The following DENND1A variants were observed in gnomAD, a reference collection of about 807,000 sequenced individuals.
DENND1A encodes the protein DENN domain-containing protein 1A.
Under a neutral mutation model 113.7 loss-of-function variants are expected in DENND1A, and 51 were observed. The observed-to-expected ratio is 0.45, with a 90% CI of 0.36 to 0.57. The LOEUF (loss-of-function observed/expected upper bound fraction) is 0.57. DENND1A is among the 20% of genes least tolerant of loss of function. The pLI, the probability that DENND1A is intolerant of heterozygous loss-of-function variation, is 0.00. For missense variants in DENND1A, 1,258 were observed against 1,395.9 expected, an observed-to-expected ratio of 0.90 and a Z score of 1.57; for synonymous variants, 565 against 570.8, an observed-to-expected ratio of 0.99 and a Z score of 0.14.
At chr9:123,806,173 T>G (rs1451447628) in intron 2 of DENND1A, among the ~76,000 whole-genome samples, 1 of 151,920 alleles carries the variant, frequency 6.6e-6, no homozygotes, top group African/African-American at 2.4e-5. Context: ...AGGCTGGTCT[T>G]GAACTCCTGA....
chr9:123,571,794 A>G (rs987126430), intron 12 of DENND1A, among the ~76,000 whole-genome samples: 1 of 152,152 alleles, frequency 6.6e-6, no homozygotes, highest in South Asian at 2.1e-4. Flanking sequence ...ATATAGTTTC[A>G]TTTCTCTTGG....
chr9:123,859,347 A>C (rs1844732585), intron 2 of DENND1A, among the ~76,000 whole-genome samples: 1 of 151,970 alleles, frequency 6.6e-6, no homozygotes, highest in South Asian at 2.1e-4. Context: ...ACAGGAACTA[A>C]CATTTGCATG....
intron 2 of DENND1A, among the ~76,000 whole-genome samples, chr9:123,849,239 A>C (rs1163415356): frequency 6.6e-6 from 1 of 152,218 alleles, no homozygotes; most frequent in African/African-American, 2.4e-5. Flanking sequence ...GTTAGGAGCT[A>C]ATGCAGCTGG....
chr9:123,711,499 ATATATGTATATATG>A (rs1231807217), intron 5 of DENND1A, among the ~76,000 whole-genome samples: 9 of 75,024 alleles, frequency 1.2e-4, no homozygotes, highest in African/African-American at 7.1e-4. Flanking sequence ...ATATATATAT[ATATATGTATATATG>A]TATATATATA....
chr9:123,387,261 T>C (rs1397202622), intron 22 of DENND1A, among the ~76,000 whole-genome samples: 1 of 152,234 alleles, frequency 6.6e-6, no homozygotes, highest in African/African-American at 2.4e-5. Flanking sequence ...TTAAATTATC[T>C]TTAAAAAGTC....
intron 13 of DENND1A, among the ~76,000 whole-genome samples, chr9:123,541,254 T>C (rs1589052780): frequency 1.3e-5 from 2 of 152,216 alleles, no homozygotes; most frequent in African/African-American, 2.4e-5. Context: ...ATTTAGCAAG[T>C]TGGGGATAAT....
intron 5 of DENND1A, among the ~76,000 whole-genome samples, chr9:123,747,554 TGAGTA>T (rs1435157738): frequency 6.6e-6 from 1 of 152,192 alleles, no homozygotes; most frequent in Non-Finnish European, 1.5e-5. Flanking sequence ...TTCAAGTCCA[TGAGTA>T]GAAAATAAAA....
chr9:123,496,803 C>T (rs1276891149), intron 13 of DENND1A, among the ~76,000 whole-genome samples: 5 of 152,186 alleles, frequency 3.3e-5, no homozygotes, highest in African/African-American at 4.8e-5. Context: ...GGGGGAAAAC[C>T]GCAGCCTGTG....
intron 13 of DENND1A, among the ~76,000 whole-genome samples, chr9:123,541,928 A>G (rs1022144675): frequency 6.6e-6 from 1 of 152,224 alleles, no homozygotes; most frequent in Admixed American, 6.5e-5. Context: ...CTCTCCTGGA[A>G]TCTCAACCTT....
At chr9:123,401,745 C>A in intron 21 of DENND1A, 1 of 1,609,076 alleles carries the variant, frequency 6.2e-7, no homozygotes. Flanking sequence ...TTATCAGACA[C>A]CGGCTCTTTG....
chr9:123,547,526 T>C (rs529452987), intron 13 of DENND1A, among the ~76,000 whole-genome samples: 1 of 152,332 alleles, frequency 6.6e-6, no homozygotes, highest in African/African-American at 2.4e-5. Context: ...TGAAGCTCTG[T>C]CTCAAAACAA....
At chr9:123,929,357 G>A (rs982834234) in intron 1 of DENND1A, among the ~76,000 whole-genome samples, 4 of 152,178 alleles carry the variant, frequency 2.6e-5, no homozygotes, top group Non-Finnish European at 5.9e-5. Context: ...ACAGATAAGA[G>A]GGGGGAAATA....
chr9:123,573,043 G>A (rs75581253), intron 12 of DENND1A, among the ~76,000 whole-genome samples: 3,483 of 152,142 alleles, frequency 0.023, 87 homozygotes, highest in African/African-American at 0.065. Flanking sequence ...TGGAATAAAA[G>A]ATCCCTCTTC....
At chr9:123,577,265 A>G (rs921231088) in intron 12 of DENND1A, among the ~76,000 whole-genome samples, 1 of 151,990 alleles carries the variant, frequency 6.6e-6, no homozygotes, top group Admixed American at 6.6e-5. Context: ...TATCCTCTTA[A>G]TCCCATAAGT....
intron 19 of DENND1A, among the ~76,000 whole-genome samples, chr9:123,431,323 A>G (rs2046118360): frequency 6.6e-6 from 1 of 152,150 alleles, no homozygotes; most frequent in African/African-American, 2.4e-5. Flanking sequence ...GTTTGAGCCT[A>G]CACCAGGTAC....
At chr9:123,704,850 G>A (rs1400455229) in intron 5 of DENND1A, among the ~76,000 whole-genome samples, 1 of 152,036 alleles carries the variant, frequency 6.6e-6, no homozygotes, top group African/African-American at 2.4e-5. Flanking sequence ...TAGTGAGCCG[G>A]AAGATAAACC....
In DENND1A at chr9:123,652,108, A is replaced by G; in HGVS notation, c.523T>C (p.Tyr175His). 2 of 1,614,122 alleles carry G rather than the reference A, an allele frequency of 1.2e-6. No homozygotes were observed. The highest frequency in any genetic ancestry group is 1.7e-6 in the Non-Finnish European group (2 of 1,179,984). Residue 175 changes from tyrosine to histidine, a missense_variant, in exon 9 of 24, where the codon TAT (tyrosine) becomes CAT (histidine). Physicochemically the swap from Tyr to His is moderately conservative, Grantham distance 83. Around this residue, in one of 2 missense-constraint regions of DENND1A, gnomAD observed 1,159 missense variants for 1,231.7 expected, o/e 0.94. Coordinates refer to ENST00000394215, the MANE Select transcript of DENND1A (RefSeq NM_001352964.2). ...SIPENRNLTEYFVAVDVNNML... is the reference protein window; with the variant it reads ...SIPENRNLTEHFVAVDVNNML... ...TTGTTAACATCCACAGCCACAAAAT[A>G]TTCTGTCAGATTTCTCTAGGAGAAA... is the stretch of plus-strand genomic sequence containing the variant.
chr9:123,597,351 C>G (rs150244273), intron 11 of DENND1A, among the ~76,000 whole-genome samples: 8 of 152,314 alleles, frequency 5.3e-5, no homozygotes, highest in African/African-American at 1.7e-4. Context: ...ATGGCACCTT[C>G]ACTGTGAAAA....
intron 11 of DENND1A, among the ~76,000 whole-genome samples, chr9:123,588,511 T>C (rs1382335303): frequency 6.7e-5 from 10 of 149,204 alleles, no homozygotes; most frequent in Non-Finnish European, 1.5e-4. Flanking sequence ...TCCCAGCTAC[T>C]TGGGAGGCTG....
Sources: allele counts gnomAD v4.1 joint callset (sites outside exome capture counted in the v4.1 genomes callset), GRCh38; gene constraint gnomAD v4.1.1; regional missense constraint gnomAD v4.1.1; transcripts MANE v1.5; gene names NCBI Gene and HGNC (gene_info 2026-07-23, HGNC 2026-07-21).